PTAFR: variants seen among roughly 807,000 people sequenced by gnomAD.
PTAFR encodes the protein platelet activating factor receptor.
In PTAFR, 8 loss-of-function variants were observed where a neutral mutation model predicts 14.7. The observed-to-expected ratio is 0.54, with a 90% CI of 0.32 to 0.98. The LOEUF is 0.98. Among genes scored for constraint, PTAFR ranks in the 50% least tolerant of loss-of-function variants. The pLI, the probability that PTAFR is intolerant of heterozygous loss-of-function variation, is 0.04. For synonymous variants in PTAFR, 156 were observed against 176.5 expected (o/e 0.88, Z 0.92); for missense variants, 337 against 451.2 (o/e 0.75, Z 2.29).
chr1:28,166,205 G>A (rs922636176), intron 1 of PTAFR, among the ~76,000 whole-genome samples: 1 of 152,112 alleles, frequency 6.6e-6, no homozygotes, highest in African/African-American at 2.4e-5. Flanking sequence ...TACACAATGG[G>A]GAAAGAATAG....
chr1:28,157,812 G>A, intron 1 of PTAFR, among the ~76,000 whole-genome samples: 1 of 150,778 alleles, frequency 6.6e-6, no homozygotes, highest in Admixed American at 6.6e-5. Context: ...TTGTATTTTT[G>A]GTAGAGATGG....
At chr1:28,189,608 G>A (rs1053323764) in intron 1 of PTAFR, among the ~76,000 whole-genome samples, 6 of 151,680 alleles carry the variant, frequency 4.0e-5, no homozygotes, top group Non-Finnish European at 8.8e-5. Flanking sequence ...GTGAGATTCC[G>A]TCTTTAAATA....
At chr1:28,177,399 G>C (rs542499854), upstream of PTAFR, among the ~76,000 whole-genome samples, 2 of 152,190 alleles carry the variant, frequency 1.3e-5, no homozygotes, top group African/African-American at 2.4e-5. Context: ...ACAGATCTGT[G>C]GGGGTGGAGG....
chr1:28,175,885 A>G (rs895784298), intron 1 of PTAFR, among the ~76,000 whole-genome samples: 2 of 152,150 alleles, frequency 1.3e-5, no homozygotes, highest in African/African-American at 4.8e-5. Flanking sequence ...AAGACCACAC[A>G]GCTAGTCAAG....
chr1:28,166,043 T>A (rs568698015), intron 1 of PTAFR, among the ~76,000 whole-genome samples: 1 of 152,154 alleles, frequency 6.6e-6, no homozygotes, highest in East Asian at 1.9e-4. Flanking sequence ...GAAAGACAAC[T>A]CCTGATTTCA....
intron 1 of PTAFR, among the ~76,000 whole-genome samples, chr1:28,164,844 G>A (rs989213509): frequency 6.6e-6 from 1 of 152,124 alleles, no homozygotes; most frequent in Admixed American, 6.5e-5. Context: ...CCTTTGACCT[G>A]GGGCCCTGCT....
At position 28,150,478 on chromosome 1, in the gene PTAFR, C is replaced by G; in HGVS notation, c.544G>C (p.Val182Leu). 1 of 1,614,214 alleles carries G rather than the reference C, an allele frequency of 6.2e-7. No homozygotes were observed. Among genetic ancestry groups the G allele is most frequent in the South Asian group, 1.1e-5 (1 of 91,088 alleles). ...AAGATGTGGATGATGAGGACTGGCA[C>G]GCTGCCCTTCTCGTAATGCTCAAAG... ...RCFEHYEKGS[V>L]PVLIIHIFIV... Residue 182 changes from valine to leucine, a missense_variant, in exon 2 of 2, where the codon GTG becomes CTG. Transcript: ENST00000373857. The surrounding 1 kb of genome is among the most constrained non-coding windows in gnomAD (Gnocchi z 6.3).
chr1:28,191,047 C>T (rs893143854), intron 1 of PTAFR, among the ~76,000 whole-genome samples: 2 of 152,212 alleles, frequency 1.3e-5, no homozygotes, highest in Non-Finnish European at 2.9e-5. Context: ...TCTCCCTCAC[C>T]CTTTCCCTCC....
At chr1:28,172,439 C>T (rs933608466) in intron 1 of PTAFR, among the ~76,000 whole-genome samples, 2 of 152,222 alleles carry the variant, frequency 1.3e-5, no homozygotes, top group South Asian at 2.1e-4. Flanking sequence ...TGGGCACAGG[C>T]CCTGGCGTCA....
chr1:28,157,215 C>T (rs952859885), intron 1 of PTAFR, among the ~76,000 whole-genome samples: 1 of 152,144 alleles, frequency 6.6e-6, no homozygotes, highest in Non-Finnish European at 1.5e-5. Context: ...TCTTGGCTTA[C>T]TGCAACCTCC....
intron 1 of PTAFR, among the ~76,000 whole-genome samples, chr1:28,166,530 G>A (rs1646386889): frequency 6.6e-6 from 1 of 152,110 alleles, no homozygotes; most frequent in Non-Finnish European, 1.5e-5. Flanking sequence ...AAGTAGCCAG[G>A]CATGATGGCG....
intron 1 of PTAFR, among the ~76,000 whole-genome samples, chr1:28,162,829 C>CAAAAAA (rs529755155): frequency 1.7e-5 from 1 of 59,158 alleles, no homozygotes; most frequent in Non-Finnish European, 3.2e-5. Context: ...ACTTTGTCTC[C>CAAAAAA]AAAAAAAAAA....
At chr1:28,167,067 T>A (rs1391773958) in intron 1 of PTAFR, among the ~76,000 whole-genome samples, 1 of 152,120 alleles carries the variant, frequency 6.6e-6, no homozygotes. Context: ...TTCCTGGATA[T>A]GACACCAAAA....
intron 1 of PTAFR, among the ~76,000 whole-genome samples, chr1:28,172,384 T>A (rs1185208044): frequency 6.6e-6 from 1 of 152,124 alleles, no homozygotes; most frequent in Non-Finnish European, 1.5e-5. Context: ...CCTGCTGGTG[T>A]CCTCGTGGCC....
At chr1:28,174,848 C>T (rs1646495664) in intron 1 of PTAFR, among the ~76,000 whole-genome samples, 1 of 152,220 alleles carries the variant, frequency 6.6e-6, no homozygotes, top group Admixed American at 6.5e-5. Context: ...GCAGCATTTT[C>T]CAATTGACAA....
intron 1 of PTAFR, among the ~76,000 whole-genome samples, chr1:28,171,183 T>C (rs1646449441): frequency 1.3e-5 from 2 of 150,902 alleles, no homozygotes; most frequent in African/African-American, 4.9e-5. Flanking sequence ...ATTAGCTGGG[T>C]GTGGTGGCGC....
chr1:28,156,552 T>C (rs1309422616), intron 1 of PTAFR, among the ~76,000 whole-genome samples: 1 of 152,238 alleles, frequency 6.6e-6, no homozygotes, highest in Non-Finnish European at 1.5e-5. Flanking sequence ...TGGAAAGAGT[T>C]TATTATTGGG....
At chr1:28,180,091 C>T (rs1406746613), upstream of PTAFR, among the ~76,000 whole-genome samples, 1 of 152,102 alleles carries the variant, frequency 6.6e-6, no homozygotes, top group East Asian at 1.9e-4. Flanking sequence ...GAAGGATCCC[C>T]TGAGCCCAGG....
chr1:28,164,166 G>A (rs1377465870), intron 1 of PTAFR, among the ~76,000 whole-genome samples: 2 of 152,234 alleles, frequency 1.3e-5, no homozygotes, highest in African/African-American at 2.4e-5. Flanking sequence ...TGGACAGAAG[G>A]AGGTATGTGC....
Sources: gnomAD v4.1 joint callset for allele counts (sites outside exome capture counted in the v4.1 genomes callset) on GRCh38, gnomAD v4.1.1 for gene constraint, Gnocchi (gnomAD v3.1) non-coding constraint, MANE v1.5 for transcripts, NCBI Gene and HGNC (gene_info 2026-07-23, HGNC 2026-07-21) for gene names.